Variants in DGKG observed in about 807,000 individuals in gnomAD.
DGKG encodes diacylglycerol kinase gamma, also known as DAG kinase gamma.
A neutral mutation model predicts 105.3 loss-of-function variants in DGKG; 78 were observed. The ratio of observed to expected loss-of-function variants is 0.74; its 90% confidence interval spans 0.62 to 0.89. The LOEUF (loss-of-function observed/expected upper bound fraction) is 0.89, where lower values mean the gene tolerates loss of function less well. Among genes scored for constraint, DGKG ranks in the 40% least tolerant of loss-of-function variants. DGKG has a pLI of 0.00. For synonymous variants in DGKG, 346 were observed against 367.1 expected (o/e 0.94, Z 0.66); for missense variants, 958 against 1,020.1 (o/e 0.94, Z 0.83).
At chr3:186,277,012 T>C (rs1314117053) in intron 9 of DGKG, among the ~76,000 whole-genome samples, 1 of 152,202 alleles carries the variant, frequency 6.6e-6, no homozygotes, top group South Asian at 2.1e-4. Flanking sequence ...CCAGAGAAGC[T>C]ATTTTCTTCT....
At chr3:186,343,352 G>A (rs568524282) in intron 1 of DGKG, among the ~76,000 whole-genome samples, 100 of 152,100 alleles carry the variant, frequency 6.6e-4, no homozygotes, top group African/African-American at 2.4e-3. Flanking sequence ...GTGCAGTAGC[G>A]CAGTCTTGGC....
intron 16 of DGKG, 21 bp from the exon 17 acceptor site, chr3:186,257,960 C>A (rs1721565124): frequency 1.3e-6 from 2 of 1,588,382 alleles, no homozygotes; most frequent in South Asian, 1.1e-5. Flanking sequence ...GAAGAAAGGC[C>A]AAAATGGGCT....
At chr3:186,152,008 G>A (rs752016340) in intron 24 of DGKG, among the ~76,000 whole-genome samples, 453 of 152,254 alleles carry the variant, frequency 3.0e-3, no homozygotes, top group Non-Finnish European at 4.1e-3. Flanking sequence ...GAACCCGGGA[G>A]GCGGAGGTTG....
chr3:186,239,478 C>A (rs936569330), intron 20 of DGKG, among the ~76,000 whole-genome samples: 9 of 152,212 alleles, frequency 5.9e-5, no homozygotes, highest in African/African-American at 2.2e-4. Context: ...GCAACAACCA[C>A]CTGCCTATTT....
chr3:186,167,063 C>G (rs190867394), intron 22 of DGKG, among the ~76,000 whole-genome samples: 46 of 152,256 alleles, frequency 3.0e-4, no homozygotes, highest in Non-Finnish European at 4.6e-4. Context: ...GCTATCACTT[C>G]CCACACATTA....
chr3:186,257,936 C>G lies in DGKG; in HGVS notation c.1428G>C (p.Leu476Phe). The change falls in exon 17 of 25, where the codon TTG becomes TTC. Residue 476 changes from leucine (L) to phenylalanine (F), a missense_variant. Transcript: ENST00000265022. ...AGTCTGGAGTATCACGGAAAAAGTT[C>G]AACCTGGGAAGAAGAAGAAAGGCCA... ...NLDNGGPTPG[L>F]NFFRDTPDFR... The G allele has an allele frequency of 6.2e-7, 1 of 1,613,970 alleles. No homozygotes were observed.
chr3:186,347,320 C>T (rs1036275644), intron 1 of DGKG, among the ~76,000 whole-genome samples: 9 of 151,556 alleles, frequency 5.9e-5, no homozygotes, highest in Admixed American at 3.3e-4. Flanking sequence ...TGGTGGCACG[C>T]GCCTGCAGTC....
intron 20 of DGKG, among the ~76,000 whole-genome samples, chr3:186,240,251 G>C (rs1210213458): frequency 6.6e-6 from 1 of 152,070 alleles, no homozygotes; most frequent in Non-Finnish European, 1.5e-5. Flanking sequence ...AACCCTCCAT[G>C]CCACGTTTCG....
rs2575 is a variant in DGKG, at chr3:186,149,602, G to A, written c.*488C>T. ...TGCCAAGGATTATGCTCTGAGAGCC[G>A]GAGGCCGTTTTGTCTCTGTACAGAG... is the stretch of plus-strand genomic sequence containing the variant. On this transcript the variant is annotated 3_prime_UTR_variant, in exon 25 of 25. Coordinates refer to ENST00000265022, the MANE Select transcript of DGKG (RefSeq NM_001346.3). The A allele has an allele frequency of 0.46, 451,160 of 985,754 alleles. 107,669 individuals are homozygous for A. Among genetic ancestry groups the A allele is most frequent in the East Asian group, 0.75 (6,589 of 8,806 alleles). The allele number at this position is 985,754 out of a possible 1,614,324, so 61.1% of individuals were successfully genotyped here.
chr3:186,220,002 T>C (rs1407414377), intron 20 of DGKG, among the ~76,000 whole-genome samples: 1 of 152,246 alleles, frequency 6.6e-6, no homozygotes, highest in African/African-American at 2.4e-5. Flanking sequence ...GCTGTCAATA[T>C]GTCTTAATGT....
chr3:186,200,483 A>G (rs1484578273), intron 21 of DGKG, among the ~76,000 whole-genome samples: 1 of 152,216 alleles, frequency 6.6e-6, no homozygotes, highest in Admixed American at 6.5e-5. Flanking sequence ...TGAGCTTCCT[A>G]TCTTTGGAGT....
At chr3:186,233,825 C>G (rs969613184) in intron 20 of DGKG, among the ~76,000 whole-genome samples, 1 of 152,170 alleles carries the variant, frequency 6.6e-6, no homozygotes, top group African/African-American at 2.4e-5. Context: ...CAGTTCATGA[C>G]AGCAACAACA....
rs556841582 is a variant in DGKG, at chr3:186,154,105, C to A, written c.2278-3917G>T. 1.6e-3 allele frequency among the ~76,000 whole-genome samples: 242 copies of A among 152,134 alleles called. 1 individual carries two copies. The highest frequency in any genetic ancestry group is 5.6e-3 in the African/African-American group (233 of 41,506). ...AAGTGAGACCTTGTCTCAACAACAA[C>A]AAAACAACAAAAAAGAAAAGTGTCT... is the stretch of plus-strand genomic sequence containing the variant. On this transcript the variant is annotated intron_variant, in intron 24 of 24. Transcript: ENST00000265022.
chr3:186,344,079 A>C (rs938532053), intron 1 of DGKG, among the ~76,000 whole-genome samples: 3 of 152,238 alleles, frequency 2.0e-5, no homozygotes, highest in African/African-American at 7.2e-5. Flanking sequence ...GTTCAAAAAA[A>C]CCAAAACAGA....
At chr3:186,186,216 A>T (rs975253077) in intron 22 of DGKG, among the ~76,000 whole-genome samples, 4 of 152,154 alleles carry the variant, frequency 2.6e-5, no homozygotes, top group African/African-American at 9.7e-5. Context: ...ATTGTCAAAT[A>T]GACGGGTGTG....
chr3:186,168,913 A>G (rs1038643953), intron 22 of DGKG, among the ~76,000 whole-genome samples: 3 of 152,238 alleles, frequency 2.0e-5, no homozygotes, highest in African/African-American at 7.2e-5. Context: ...GCATACTTTC[A>G]CACTGAAAAC....
At chr3:186,176,692 A>C (rs2108490617) in intron 22 of DGKG, among the ~76,000 whole-genome samples, 2 of 152,312 alleles carry the variant, frequency 1.3e-5, no homozygotes, top group South Asian at 4.1e-4. Context: ...TCTAATCTAT[A>C]AAATATTCCT....
At chr3:186,164,307 G>A (rs528557484) in intron 23 of DGKG, among the ~76,000 whole-genome samples, 2 of 152,332 alleles carry the variant, frequency 1.3e-5, no homozygotes, top group East Asian at 3.9e-4. Flanking sequence ...TGATTAATCA[G>A]AGGCAACTGA....
At chr3:186,337,141 C>T (rs766230627) in intron 1 of DGKG, among the ~76,000 whole-genome samples, 4 of 152,144 alleles carry the variant, frequency 2.6e-5, no homozygotes, top group African/African-American at 9.7e-5. Context: ...ATGAGGCTAG[C>T]ATAACCCGGT....
Sources: gnomAD v4.1 joint callset for allele counts (sites outside exome capture counted in the v4.1 genomes callset) on GRCh38, gnomAD v4.1.1 for gene constraint, MANE v1.5 for transcripts, NCBI Gene and HGNC (gene_info 2026-07-23, HGNC 2026-07-21) for gene names.